The following ADO variants were observed in gnomAD, a reference collection of about 807,000 sequenced individuals.
ADO encodes the protein 2-aminoethanethiol (cysteamine) dioxygenase.
In ADO, 9 loss-of-function variants were observed where a neutral mutation model predicts 16.6. That is an observed-to-expected ratio of 0.54 (90% confidence interval 0.33 to 0.95). ADO has a LOEUF of 0.95. ADO is among the 40% of genes least tolerant of loss of function. ADO has a pLI of 0.03. For synonymous variants in ADO, 189 were observed against 179.6 expected, an observed-to-expected ratio of 1.05 and a Z score of -0.42; for missense variants, 356 against 386.4, an observed-to-expected ratio of 0.92 and a Z score of 0.66.
chr10:62,805,479 C>T lies in ADO; in HGVS notation c.420C>T (p.Gly140=), dbSNP rs1482571586. The T allele has an allele frequency of 1.3e-6, 2 of 1,538,048 alleles. No individual in the cohort carries two copies. The highest frequency in any genetic ancestry group is 2.0e-5 in the Admixed American group (1 of 50,502). ...ISCMDKLDAG[G]GQRPRALPPE... ...GCATGGACAAGCTAGACGCGGGCGG[C>T]GGGCAACGGCCGCGGGCCTTGCCGC... The change falls in exon 1 of 1, where the codon GGC becomes GGT. Residue 140 remains glycine, a synonymous_variant. Coordinates refer to ENST00000373783, the MANE Select transcript of ADO (RefSeq NM_032804.6). This position sits in a 1 kb window ranked among gnomAD's most constrained non-coding sequence, Gnocchi z 6.4.
chr10:62,806,101 C>A lies in ADO; in HGVS notation c.*229C>A. 1 of 487,572 alleles carries A rather than the reference C, an allele frequency of 2.1e-6. No individual in the cohort carries two copies. Among genetic ancestry groups the A allele is most frequent in the Non-Finnish European group, 3.7e-6 (1 of 270,548 alleles). 30.2% of individuals were successfully genotyped at this position (487,572 alleles called of 1,614,324 possible). On this transcript the variant is annotated 3_prime_UTR_variant, in exon 1 of 1. Transcript: ENST00000373783. ...CCTGGTACTGTCACTGCCACTGGGG[C>A]TTTGATTTGGAGGAATGGGGCAGGG... is the stretch of plus-strand genomic sequence containing the variant.
At position 62,808,041 on chromosome 10, in the gene ADO, A is replaced by G. The variant is rs953558741; in HGVS notation, c.*2169A>G. On this transcript the variant is annotated 3_prime_UTR_variant, in exon 1 of 1. Transcript: ENST00000373783. ...AAAAAAAGAAGTTTTAAAGTTTTCAATTACGAGCAATTTGGAAGAAAAAAC... is the reference window on the plus strand; with the variant it reads ...AAAAAAAGAAGTTTTAAAGTTTTCAGTTACGAGCAATTTGGAAGAAAAAAC... 1.2e-5 allele frequency: 2 copies of G among 167,172 alleles called. No individual in the cohort carries two copies. The highest frequency in any genetic ancestry group is 4.8e-5 in the African/African-American group (2 of 41,458). The allele number at this position is 167,172 out of a possible 1,614,324, so 10.4% of individuals were successfully genotyped here.
Position 62,805,945 on chromosome 10 carries a change from T to G in ADO, c.*73T>G. The G allele has an allele frequency of 7.6e-7, 1 of 1,320,724 alleles. No individual in the cohort carries two copies. Among genetic ancestry groups the G allele is most frequent in the Non-Finnish European group, 9.9e-7 (1 of 1,007,872 alleles). 81.8% of individuals were successfully genotyped at this position (1,320,724 alleles called of 1,614,324 possible). A position where few individuals can be genotyped will look rare whatever the true frequency, so the allele number is the denominator to read the frequency against. ...CCACAAGGGCTGTGTCTCTACCCCCTAGCCTGGGCGTTGGATCTACTGGAA... is the reference window on the plus strand; with the variant it reads ...CCACAAGGGCTGTGTCTCTACCCCCGAGCCTGGGCGTTGGATCTACTGGAA... On this transcript the variant is annotated 3_prime_UTR_variant, in exon 1 of 1. Transcript: ENST00000373783. This position sits in a 1 kb window ranked among gnomAD's most constrained non-coding sequence, Gnocchi z 6.4.
rs1842040563 is a variant in ADO at position 62,805,440 on chromosome 10, C to T, written c.381C>T (p.Thr127=). ...GCATGCTCAAGGTGCTGTACGGCAC[C>T]GTGCGCATCAGCTGCATGGACAAGC... ...MHGMLKVLYG[T]VRISCMDKLD... is the part of the protein sequence containing the mutation. Residue 127 remains threonine, a synonymous_variant, in exon 1 of 1, where the codon ACC becomes ACT. Coordinates refer to ENST00000373783, the MANE Select transcript of ADO (RefSeq NM_032804.6). The surrounding 1 kb of genome is among the most constrained non-coding windows in gnomAD (Gnocchi z 6.4). 1 of 1,560,732 alleles carries T rather than the reference C, an allele frequency of 6.4e-7. No individual in the cohort carries two copies. Among genetic ancestry groups the T allele is most frequent in the Non-Finnish European group, 8.6e-7 (1 of 1,156,418 alleles).
Position 62,805,867 on chromosome 10 carries a change from C to A in ADO, c.808C>A (p.Pro270Thr). 6.7e-7 allele frequency: 1 copy of A among 1,497,952 alleles called. No individual in the cohort carries two copies. Among genetic ancestry groups the A allele is most frequent in the Non-Finnish European group, 8.9e-7 (1 of 1,120,064 alleles). The allele number at this position is 1,497,952 out of a possible 1,614,324, so 92.8% of individuals were successfully genotyped here. A position where few individuals can be genotyped will look rare whatever the true frequency, so the allele number is the denominator to read the frequency against. ...GEPYPGPKVF[P>T] ...ACCCTATCCAGGTCCCAAGGTCTTC[C>A]CTTGAAGCCACTGGCGCCCAGGAGC... The change falls in exon 1 of 1, where the codon CCT becomes ACT. Residue 270 changes from proline (P) to threonine (T), a missense_variant. Pro to Thr is a conservative substitution (Grantham distance 38). Coordinates refer to ENST00000373783, the MANE Select transcript of ADO (RefSeq NM_032804.6). This position sits in a 1 kb window ranked among gnomAD's most constrained non-coding sequence, Gnocchi z 6.4.
Position 62,805,680 on chromosome 10 carries a change from C to A in ADO, c.621C>A (p.Ile207=). The change falls in exon 1 of 1, where the codon ATC becomes ATA. Residue 207 remains isoleucine, a synonymous_variant. Coordinates refer to ENST00000373783, the MANE Select transcript of ADO (RefSeq NM_032804.6). This position sits in a 1 kb window ranked among gnomAD's most constrained non-coding sequence, Gnocchi z 6.4. The part of the protein sequence containing the change: ...AVEGPAAFLD[I]LAPPYDPDDG... ...AAGGGCCTGCCGCCTTCCTGGACAT[C>A]CTGGCCCCGCCCTACGACCCGGACG... is the stretch of plus-strand genomic sequence containing the variant. 6.2e-7 allele frequency: 1 copy of A among 1,610,878 alleles called. No individual in the cohort carries two copies. Among genetic ancestry groups the A allele is most frequent in the Non-Finnish European group, 8.5e-7 (1 of 1,179,188 alleles).
Position 62,804,956 on chromosome 10 carries a change from TC to T in ADO, c.-101del. On this transcript the variant is annotated 5_prime_UTR_variant, in exon 1 of 1. Coordinates refer to ENST00000373783, the MANE Select transcript of ADO (RefSeq NM_032804.6). ...CCGACGGGCCGGTGGTTGCGGGGCCTCCCGCCTCGACCCGGGCTGGGGGCAG... is the reference window on the plus strand; with the variant it reads ...CCGACGGGCCGGTGGTTGCGGGGCCTCCGCCTCGACCCGGGCTGGGGGCAG... The T allele has an allele frequency of 1.8e-6, 2 of 1,137,222 alleles. No homozygotes were observed. The allele number at this position is 1,137,222 out of a possible 1,614,324, so 70.4% of individuals were successfully genotyped here.
Position 62,807,798 on chromosome 10 carries a change from C to A in ADO, c.*1926C>A, listed in dbSNP as rs1258519502. The A allele has an allele frequency of 6.0e-6, 1 of 167,080 alleles. No individual in the cohort carries two copies. Among genetic ancestry groups the A allele is most frequent in the Non-Finnish European group, 1.5e-5 (1 of 68,090 alleles). The allele number at this position is 167,080 out of a possible 1,614,324, so 10.3% of individuals were successfully genotyped here. On this transcript the variant is annotated 3_prime_UTR_variant, in exon 1 of 1. Transcript: ENST00000373783. ...TGCAAATGATTTTCTTAGAAAACTT[C>A]ACAAAATAAAAGATCTTGTTTTTTT...
rs1268793738 is a variant in ADO, at chr10:62,805,935, C to T, written c.*63C>T. The T allele has an allele frequency of 7.2e-7, 1 of 1,382,998 alleles. No homozygotes were observed. The highest frequency in any genetic ancestry group is 9.5e-7 in the Non-Finnish European group (1 of 1,050,640). The allele number at this position is 1,382,998 out of a possible 1,614,324, so 85.7% of individuals were successfully genotyped here. ...CCCTACCCTACCACAAGGGCTGTGT[C>T]TCTACCCCCTAGCCTGGGCGTTGGA... is the stretch of plus-strand genomic sequence containing the variant. On this transcript the variant is annotated 3_prime_UTR_variant, in exon 1 of 1. Coordinates refer to ENST00000373783, the MANE Select transcript of ADO (RefSeq NM_032804.6). The surrounding 1 kb of genome is among the most constrained non-coding windows in gnomAD (Gnocchi z 6.4).
chr10:62,805,726 T>G lies in ADO; in HGVS notation c.667T>G (p.Tyr223Asp). 1 of 1,611,120 alleles carries G rather than the reference T, an allele frequency of 6.2e-7. No homozygotes were observed. Among genetic ancestry groups the G allele is most frequent in the Non-Finnish European group, 8.5e-7 (1 of 1,179,252 alleles). The change falls in exon 1 of 1, where the codon TAC (tyrosine) becomes GAC (aspartate). Residue 223 changes from tyrosine to aspartate, a missense_variant. Coordinates refer to ENST00000373783, the MANE Select transcript of ADO (RefSeq NM_032804.6). The surrounding 1 kb of genome is among the most constrained non-coding windows in gnomAD (Gnocchi z 6.4). ...GGACGATGGCCGGGACTGCCACTAT[T>G]ACCGGGTGCTGGAGCCGGTCAGGCC... ...DPDDGRDCHY[Y>D]RVLEPVRPKE... is the part of the protein sequence containing the mutation.
rs2132691496 is a variant in ADO at position 62,807,536 on chromosome 10, A to C, written c.*1664A>C. The C allele has an allele frequency of 6.0e-6, 1 of 167,326 alleles. No homozygotes were observed. Among genetic ancestry groups the C allele is most frequent in the Middle Eastern group, 3.4e-3 (1 of 296 alleles). The allele number at this position is 167,326 out of a possible 1,614,324, so 10.4% of individuals were successfully genotyped here. ...TTCCCAGTTTTTAAGATAGTATAAA[A>C]AAGCAAATACTTGGTGAGTGATTTA... On this transcript the variant is annotated 3_prime_UTR_variant, in exon 1 of 1. Transcript: ENST00000373783.
At position 62,806,155 on chromosome 10, in the gene ADO, C is replaced by G; in HGVS notation, c.*283C>G. ...TATCTGAAGCGCTTCCATCCTAAAG[C>G]CATAATGAAAATATCTTCCTCTCTT... is the stretch of plus-strand genomic sequence containing the variant. On this transcript the variant is annotated 3_prime_UTR_variant, in exon 1 of 1. Coordinates refer to ENST00000373783, the MANE Select transcript of ADO (RefSeq NM_032804.6). 2.7e-6 allele frequency: 1 copy of G among 368,470 alleles called. No homozygotes were observed. Among genetic ancestry groups the G allele is most frequent in the Non-Finnish European group, 5.0e-6 (1 of 198,138 alleles). 22.8% of individuals were successfully genotyped at this position (368,470 alleles called of 1,614,324 possible). A position where few individuals can be genotyped will look rare whatever the true frequency, so the allele number is the denominator to read the frequency against.
chr10:62,804,863 G>A lies in ADO; in HGVS notation c.-197G>A, dbSNP rs576043526. ...GGCGTGCGCGTGCGCGCTCAGAGGG[G>A]GCTCAAGGCGAGCGCGCCGGGCAGT... On this transcript the variant is annotated 5_prime_UTR_variant, in exon 1 of 1. Coordinates refer to ENST00000373783, the MANE Select transcript of ADO (RefSeq NM_032804.6). The A allele has an allele frequency of 1.4e-4, 51 of 355,496 alleles. No homozygotes were observed. Among genetic ancestry groups the A allele is most frequent in the Middle Eastern group, 8.1e-4 (1 of 1,232 alleles). The allele number at this position is 355,496 out of a possible 1,614,324, so 22.0% of individuals were successfully genotyped here.
At position 62,808,236 on chromosome 10, in the gene ADO, G is replaced by A. The variant is rs557418322; in HGVS notation, c.*2364G>A. ...TTGTTTTAGTGAGCCACTGAGGAAA[G>A]AATATGCTTATTACAAAGACAAAAT... is the stretch of plus-strand genomic sequence containing the variant. On this transcript the variant is annotated 3_prime_UTR_variant, in exon 1 of 1. Coordinates refer to ENST00000373783, the MANE Select transcript of ADO (RefSeq NM_032804.6). 8.4e-5 allele frequency: 14 copies of A among 167,378 alleles called. No individual in the cohort carries two copies. The highest frequency in any genetic ancestry group is 3.1e-4 in the African/African-American group (13 of 41,586). 10.4% of individuals were successfully genotyped at this position (167,378 alleles called of 1,614,324 possible). A position where few individuals can be genotyped will look rare whatever the true frequency, so the allele number is the denominator to read the frequency against.
At position 62,806,027 on chromosome 10, in the gene ADO, C is replaced by A; in HGVS notation, c.*155C>A. The A allele has an allele frequency of 5.5e-6, 1 of 181,702 alleles. No homozygotes were observed. Among genetic ancestry groups the A allele is most frequent in the Non-Finnish European group, 1.2e-5 (1 of 85,406 alleles). 11.3% of individuals were successfully genotyped at this position (181,702 alleles called of 1,614,324 possible). A position where few individuals can be genotyped will look rare whatever the true frequency, so the allele number is the denominator to read the frequency against. ...GAAGCACGGGCGACTGGACAGCAGC[C>A]GCCGGGCACGGTTATGGGGGCGGGG... On this transcript the variant is annotated 3_prime_UTR_variant, in exon 1 of 1. Transcript: ENST00000373783.
rs1255757130 is a variant in ADO at position 62,805,474 on chromosome 10, G to A, written c.415G>A (p.Gly139Ser). The change falls in exon 1 of 1, where the codon GGC becomes AGC. Residue 139 changes from glycine to serine, a missense_variant. Physicochemically the swap from Gly to Ser is moderately conservative, Grantham distance 56. Coordinates refer to ENST00000373783, the MANE Select transcript of ADO (RefSeq NM_032804.6). This position sits in a 1 kb window ranked among gnomAD's most constrained non-coding sequence, Gnocchi z 6.4. ...RISCMDKLDA[G>S]GGQRPRALPP... The stretch of plus-strand genomic sequence containing the variant: ...CAGCTGCATGGACAAGCTAGACGCG[G>A]GCGGCGGGCAACGGCCGCGGGCCTT... The A allele has an allele frequency of 6.5e-7, 1 of 1,540,348 alleles. No homozygotes were observed. The highest frequency in any genetic ancestry group is 8.7e-7 in the Non-Finnish European group (1 of 1,146,472).
rs377674485 is a variant in ADO, at chr10:62,805,650, C to G, written c.591C>G (p.Ala197=). The change falls in exon 1 of 1, where the codon GCC becomes GCG. Residue 197 remains alanine, a synonymous_variant. Coordinates refer to ENST00000373783, the MANE Select transcript of ADO (RefSeq NM_032804.6). The surrounding 1 kb of genome is among the most constrained non-coding windows in gnomAD (Gnocchi z 6.4). ...PHRDNLHQID[A]VEGPAAFLDI... ...GGGACAACCTGCACCAGATCGACGCCGTGGAAGGGCCTGCCGCCTTCCTGG... is the reference window on the plus strand; with the variant it reads ...GGGACAACCTGCACCAGATCGACGCGGTGGAAGGGCCTGCCGCCTTCCTGG... 6.2e-7 allele frequency: 1 copy of G among 1,609,520 alleles called. No individual in the cohort carries two copies. Among genetic ancestry groups the G allele is most frequent in the African/African-American group, 1.3e-5 (1 of 74,882 alleles).
At position 62,806,782 on chromosome 10, in the gene ADO, A is replaced by G. The variant is rs1842057964; in HGVS notation, c.*910A>G. ...AGGAGCTGAATGTGTTATGCTTCCA[A>G]ACAACTGAATGTAAAACACTCCTAG... On this transcript the variant is annotated 3_prime_UTR_variant, in exon 1 of 1. Transcript: ENST00000373783. The G allele has an allele frequency of 6.0e-6, 1 of 167,088 alleles. No homozygotes were observed. Among genetic ancestry groups the G allele is most frequent in the Non-Finnish European group, 1.5e-5 (1 of 68,130 alleles). The allele number at this position is 167,088 out of a possible 1,614,324, so 10.4% of individuals were successfully genotyped here. A position where few individuals can be genotyped will look rare whatever the true frequency, so the allele number is the denominator to read the frequency against.
In ADO at chr10:62,805,598, G is replaced by A. The variant is rs756494442; in HGVS notation, c.539G>A (p.Ser180Asn). ...TCGCGGGCCGAGTACACCGAGGCCA[G>A]CGGCCCCTGCATCCTCACACCGCAC... Reference protein sequence around the residue: ...LRSRAEYTEASGPCILTPHRD... With the variant: ...LRSRAEYTEANGPCILTPHRD... The change falls in exon 1 of 1, where the codon AGC (serine) becomes AAC (asparagine). Residue 180 changes from serine (S) to asparagine (N), a missense_variant. Transcript: ENST00000373783. The surrounding 1 kb of genome is among the most constrained non-coding windows in gnomAD (Gnocchi z 6.4). 14 of 1,592,858 alleles carry A rather than the reference G, an allele frequency of 8.8e-6. No individual in the cohort carries two copies. In the South Asian group the frequency reaches 1.4e-4, roughly 16 times the overall value.
Sources: allele counts gnomAD v4.1 joint callset, GRCh38; gene constraint gnomAD v4.1.1; non-coding constraint Gnocchi (gnomAD v3.1); transcripts MANE v1.5; gene names NCBI Gene and HGNC (gene_info 2026-07-23, HGNC 2026-07-21).